GLB1L3: variants seen among roughly 807,000 people sequenced by gnomAD.
GLB1L3 encodes the protein beta-galactosidase-1-like protein 3.
A neutral mutation model predicts 89.5 loss-of-function variants in GLB1L3; 89 were observed. The ratio of observed to expected loss-of-function variants is 0.99; its 90% CI spans 0.84 to 1.19. The LOEUF (loss-of-function observed/expected upper bound fraction) is 1.19. GLB1L3 is among the 50% of genes most tolerant of loss of function. The probability of loss-of-function intolerance (pLI) is 0.00; values close to 1 mark genes in which losing one functional copy is unlikely to be tolerated. For missense variants in GLB1L3, 812 were observed against 813.3 expected (o/e 1.00, Z 0.02); for synonymous variants, 314 against 312.3 (o/e 1.01, Z -0.06).
chr11:134,282,058 G>C lies in GLB1L3; in HGVS notation c.465G>C (p.Leu155=), dbSNP rs753419407. The C allele has an allele frequency of 4.2e-5, 66 of 1,569,110 alleles. No homozygotes were observed. In the Admixed American group the frequency reaches 6.6e-4, roughly 16 times the overall value. Residue 155 remains leucine (L), a synonymous_variant, in exon 5 of 20, where the codon CTG becomes CTC. Coordinates refer to ENST00000431683, the MANE Select transcript of GLB1L3 (RefSeq NM_001080407.3). ...TCCTGATGGCCGCAGAGATCGGGCT[G>C]TGGGTGATTCTGCGTCCAGGCCGCT... ...AFVLMAAEIG[L]WVILRPGRYI...
chr11:134,314,473 CA>C (rs1565421974), intron 18 of GLB1L3, 32 bp downstream of exon 18: 10 of 1,321,572 alleles, frequency 7.6e-6, no homozygotes, highest in Non-Finnish European at 1.1e-6. Flanking sequence ...CCTGGTGTTC[CA>C]AACACCAATT....
chr11:134,304,331 C>T (rs956373144), intron 9 of GLB1L3, among the ~76,000 whole-genome samples: 6 of 152,150 alleles, frequency 3.9e-5, no homozygotes, highest in African/African-American at 1.4e-4. Flanking sequence ...TAAAAATCCT[C>T]AATGAGTGGG....
intron 9 of GLB1L3, among the ~76,000 whole-genome samples, chr11:134,299,631 C>T (rs936417167): frequency 1.3e-5 from 2 of 152,154 alleles, no homozygotes; most frequent in African/African-American, 4.8e-5. Flanking sequence ...CTCGCCTTTG[C>T]ATTGAGTCCC....
intron 9 of GLB1L3, among the ~76,000 whole-genome samples, chr11:134,300,601 T>A (rs1941897224): frequency 6.6e-6 from 1 of 152,176 alleles, no homozygotes; most frequent in Admixed American, 6.5e-5. Context: ...CCCAAAGTGC[T>A]GGGATTACAG....
At chr11:134,300,927 C>T (rs543970891) in intron 9 of GLB1L3, among the ~76,000 whole-genome samples, 4 of 152,292 alleles carry the variant, frequency 2.6e-5, no homozygotes, top group African/African-American at 4.8e-5. Context: ...GGCTGGGGGA[C>T]GCAATTCAGC....
At chr11:134,316,265 A>C (rs1017190088) in intron 18 of GLB1L3, among the ~76,000 whole-genome samples, 1 of 152,066 alleles carries the variant, frequency 6.6e-6, no homozygotes, top group Non-Finnish European at 1.5e-5. Context: ...TCATGACTGA[A>C]GAATTACATT....
intron 11 of GLB1L3, chr11:134,310,066 A>T (rs1395346589): frequency 6.5e-6 from 3 of 461,624 alleles, no homozygotes; most frequent in African/African-American, 2.0e-5. Context: ...AAAGGCACAG[A>T]CCTGCACGGC....
chr11:134,313,533 C>T, intron 16 of GLB1L3, 59 bp downstream of exon 16: 1 of 1,105,716 alleles, frequency 9.0e-7, no homozygotes, highest in Non-Finnish European at 1.3e-6. Context: ...GGGCTATGCA[C>T]TGGAGTCGGG....
chr11:134,279,365 T>A, intron 3 of GLB1L3, among the ~76,000 whole-genome samples: 1 of 23,408 alleles, frequency 4.3e-5, no homozygotes, highest in African/African-American at 1.6e-4. Context: ...TTTCTTTTTC[T>A]TTTTTTTTTT....
chr11:134,313,776 A>G (rs569256349), intron 16 of GLB1L3, among the ~76,000 whole-genome samples, 165 bp from the exon 17 acceptor site: 5 of 152,246 alleles, frequency 3.3e-5, no homozygotes, highest in Admixed American at 6.5e-5. Context: ...GTGTGGAAAC[A>G]TACAGCTAGA....
intron 6 of GLB1L3, among the ~76,000 whole-genome samples, chr11:134,284,293 AG>A (rs1426451760): frequency 6.6e-6 from 1 of 151,824 alleles, no homozygotes; most frequent in East Asian, 1.9e-4. Context: ...AGATTTTATC[AG>A]CACAGAAGCA....
At chr11:134,299,189 A>G (rs944614017) in intron 9 of GLB1L3, among the ~76,000 whole-genome samples, 1 of 151,692 alleles carries the variant, frequency 6.6e-6, no homozygotes, top group Non-Finnish European at 1.5e-5. Flanking sequence ...CTTTCAGCCA[A>G]AATTATCTAT....
chr11:134,291,329 C>G (rs1008425781), intron 7 of GLB1L3, among the ~76,000 whole-genome samples: 1 of 150,112 alleles, frequency 6.7e-6, no homozygotes, highest in South Asian at 2.1e-4. Flanking sequence ...GGCGTGATCT[C>G]GGTTCATTGC....
chr11:134,301,134 C>T (rs185391298), intron 9 of GLB1L3, among the ~76,000 whole-genome samples: 19 of 152,274 alleles, frequency 1.2e-4, no homozygotes, highest in African/African-American at 3.6e-4. Flanking sequence ...GGATCTAGCC[C>T]CAGGTAAGCA....
At chr11:134,296,546 C>T (rs1275153317) in intron 9 of GLB1L3, among the ~76,000 whole-genome samples, 3 of 144,680 alleles carry the variant, frequency 2.1e-5, no homozygotes, top group Non-Finnish European at 4.5e-5. Flanking sequence ...TTTGTAGGGA[C>T]ATGGATGAAA....
chr11:134,308,473 A>ACC lies in GLB1L3; in HGVS notation c.962-1153_962-1152insCC, dbSNP rs1565413915. ...ACCACCACCACCACCACCACCACCAAATACCACCACCACCATCACCACCAA... is the reference window on the plus strand; with the variant it reads ...ACCACCACCACCACCACCACCACCAACCATACCACCACCACCATCACCACCAA... On this transcript the variant is annotated intron_variant, in intron 10 of 19. Transcript: ENST00000431683. Among the ~76,000 whole-genome samples, 5 of 4,752 alleles carry ACC rather than the reference A, an allele frequency of 1.1e-3. 2 individuals carry two copies. The highest frequency in any genetic ancestry group is 3.7e-3 in the African/African-American group (4 of 1,082). 3.1% of individuals were successfully genotyped at this position (4,752 alleles called of 152,430 possible).
intron 7 of GLB1L3, among the ~76,000 whole-genome samples, chr11:134,290,251 G>A (rs920991548): frequency 2.0e-5 from 3 of 150,442 alleles, no homozygotes; most frequent in African/African-American, 4.8e-5. Context: ...AATCGGTTGT[G>A]TTCAGCCAGC....
In GLB1L3 at chr11:134,277,398, G is replaced by T; in HGVS notation, c.96G>T (p.Arg32=). ...LPFISSGFAP[R]FKQEENFMLG... is the part of the protein sequence containing the mutation. ...TTATCTCATCAGGTTTTGCTCCTCGGTTTAAGCAGGAAGAGAACTTCATGC... is the reference window on the plus strand; with the variant it reads ...TTATCTCATCAGGTTTTGCTCCTCGTTTTAAGCAGGAAGAGAACTTCATGC... Residue 32 remains arginine, a synonymous_variant, in exon 2 of 20, where the codon CGG becomes CGT. Coordinates refer to ENST00000431683, the MANE Select transcript of GLB1L3 (RefSeq NM_001080407.3). The T allele has an allele frequency of 6.2e-7, 1 of 1,613,956 alleles. No homozygotes were observed. The highest frequency in any genetic ancestry group is 8.5e-7 in the Non-Finnish European group (1 of 1,179,894).
intron 2 of GLB1L3, 30 bp downstream of exon 2, chr11:134,277,481 G>A: frequency 1.2e-6 from 2 of 1,603,602 alleles, no homozygotes; most frequent in Non-Finnish European, 1.7e-6. Context: ...CCCTGGGGAG[G>A]GAGGGGAGCG....
Sources: allele counts gnomAD v4.1 joint callset (sites outside exome capture counted in the v4.1 genomes callset), GRCh38; gene constraint gnomAD v4.1.1; transcripts MANE v1.5; gene names NCBI Gene and HGNC (gene_info 2026-07-23, HGNC 2026-07-21).